Variants in CACNA1E observed in about 807,000 individuals in gnomAD.
CACNA1E encodes the protein calcium voltage-gated channel subunit alpha1 E.
Under a neutral mutation model 259.2 loss-of-function variants are expected in CACNA1E, and 40 were observed. The observed-to-expected ratio is 0.15, with a 90% CI of 0.12 to 0.20. The LOEUF (loss-of-function observed/expected upper bound fraction) is 0.20, where lower values mean the gene tolerates loss of function less well. Ranked by LOEUF, CACNA1E falls within the 10% of genes least tolerant of loss-of-function variation. The pLI is 1.00. For synonymous variants in CACNA1E, 1,104 were observed against 1,138.5 expected, an observed-to-expected ratio of 0.97 and a Z score of 0.61; for missense variants, 1,874 against 3,040.1, an observed-to-expected ratio of 0.62 and a Z score of 9.02.
chr1:181,682,183 G>T (rs1572584075), intron 7 of CACNA1E, among the ~76,000 whole-genome samples: 1 of 152,174 alleles, frequency 6.6e-6, no homozygotes, highest in Non-Finnish European at 1.5e-5. Context: ...CCTTTGGAGT[G>T]CCTCTTGCCT....
intron 3 of CACNA1E, among the ~76,000 whole-genome samples, chr1:181,571,712 T>C (rs1650431857): frequency 6.6e-6 from 1 of 152,224 alleles, no homozygotes. Flanking sequence ...TCACAGATGC[T>C]GATGAACAGC....
At chr1:181,401,913 G>A (rs543210065) in intron 1 of CACNA1E, among the ~76,000 whole-genome samples, 33 of 152,154 alleles carry the variant, frequency 2.2e-4, no homozygotes, top group Admixed American at 1.4e-3. Context: ...CTTAAATACC[G>A]CCTATTTATG....
intron 6 of CACNA1E, among the ~76,000 whole-genome samples, chr1:181,590,998 A>G (rs925151112): frequency 2.6e-5 from 4 of 152,258 alleles, no homozygotes; most frequent in Non-Finnish European, 2.9e-5. Context: ...GCATTATTAA[A>G]TGTTGGGGGA....
At chr1:181,750,414 C>T (rs747322538) in intron 25 of CACNA1E, 62 bp from the exon 26 acceptor site, 132 of 1,496,306 alleles carry the variant, frequency 8.8e-5, no homozygotes, top group Non-Finnish European at 1.2e-4. Context: ...TCTACCCCAA[C>T]CCCATTTTTT....
intron 2 of CACNA1E, among the ~76,000 whole-genome samples, chr1:181,431,601 C>T (rs1321878794): frequency 6.6e-6 from 1 of 152,162 alleles, no homozygotes; most frequent in Non-Finnish European, 1.5e-5. Flanking sequence ...GTATCATTTC[C>T]ACTTTTTCCC....
At chr1:181,725,895 G>A (rs1654863453) in intron 17 of CACNA1E, among the ~76,000 whole-genome samples, 170 bp from the exon 18 acceptor site, 1 of 152,228 alleles carries the variant, frequency 6.6e-6, no homozygotes, top group African/African-American at 2.4e-5. Context: ...CCTGGCCTCT[G>A]GCCATCAGAA....
rs1665597951 is a variant in CACNA1E at position 181,505,146 on chromosome 1, C to T, written c.267-5331C>T. ...TCTGATTTCTCTGGCCATCGCATTC[C>T]TCCTCACTCTCAGGTTGGGATGGGT... On this transcript the variant is annotated intron_variant, in intron 1 of 47. Transcript: ENST00000367573. Among the ~76,000 whole-genome samples the T allele has an allele frequency of 2.0e-5, 3 of 152,262 alleles. No homozygotes were observed. In the South Asian group the frequency reaches 6.2e-4, roughly 32 times the overall value.
upstream of CACNA1E, chr1:181,483,490 TTTTC>T (rs1447401226): frequency 1.2e-5 from 4 of 337,728 alleles, no homozygotes; most frequent in African/African-American, 9.0e-5. Flanking sequence ...CCCGCTTTTT[TTTTC>T]TTTTTTCTTT....
At position 181,762,600 on chromosome 1, in the gene CACNA1E, C is replaced by G; in HGVS notation, c.4632C>G (p.Ile1544Met). 6.2e-7 allele frequency: 1 copy of G among 1,608,974 alleles called. No homozygotes were observed. Among genetic ancestry groups the G allele is most frequent in the Non-Finnish European group, 8.5e-7 (1 of 1,176,646 alleles). ...FLNYFRDTWN[I>M]FDFITVIGSI... Reference sequence around the variant, plus strand: ...ACTATTTCCGAGACACCTGGAATATCTTTGACTTCATCACCGTGATTGGCA... The same window carrying G: ...ACTATTTCCGAGACACCTGGAATATGTTTGACTTCATCACCGTGATTGGCA... Residue 1544 changes from isoleucine (I) to methionine (M), a missense_variant, in exon 33 of 48, where the codon ATC (isoleucine) becomes ATG (methionine). Physicochemically the swap from Ile to Met is conservative, Grantham distance 10 (BLOSUM62 1). Transcript: ENST00000367573.
At chr1:181,444,489 C>T (rs542550758) in intron 2 of CACNA1E, among the ~76,000 whole-genome samples, 1 of 152,120 alleles carries the variant, frequency 6.6e-6, no homozygotes, top group East Asian at 1.9e-4. Flanking sequence ...TGGTGATTAT[C>T]TGGAGAAGTA....
At position 181,511,433 on chromosome 1, in the gene CACNA1E, C is replaced by T. The variant is rs1277736676; in HGVS notation, c.435C>T (p.Ala145=). The T allele has an allele frequency of 6.2e-7, 1 of 1,613,930 alleles. No homozygotes were observed. The highest frequency in any genetic ancestry group is 1.1e-5 in the South Asian group (1 of 91,086). ...FCFEAGIKIV[A]LGFIFHKGSY... is the part of the protein sequence containing the mutation. Reference sequence around the variant, plus strand: ...TTGAAGCTGGGATCAAAATTGTGGCCCTGGGGTTCATCTTCCATAAGGGCT... The same window carrying T: ...TTGAAGCTGGGATCAAAATTGTGGCTCTGGGGTTCATCTTCCATAAGGGCT... The change falls in exon 3 of 48, where the codon GCC becomes GCT. Residue 145 remains alanine (A), a synonymous_variant. Transcript: ENST00000367573.
intron 6 of CACNA1E, among the ~76,000 whole-genome samples, chr1:181,619,306 G>A (rs1028849812): frequency 4.6e-5 from 7 of 152,058 alleles, no homozygotes; most frequent in African/African-American, 1.7e-4. Context: ...TAAGCCATAT[G>A]GACATCTGGG....
Position 181,798,294 on chromosome 1 carries a change from C to T in CACNA1E, c.6402C>T (p.Gly2134=), listed in dbSNP as rs1282664243. ...EGRSQTPNRQ[G]TGSLSESSIP... ...GCCATGTCTCTCCTGCTATACAGGG[C>T]ACAGGTTCCCTAAGTGAGAGCTCCA... is the stretch of plus-strand genomic sequence containing the variant. Residue 2134 remains glycine (G), a splice_region_variant and synonymous_variant, in exon 48 of 48, where the codon GGC becomes GGT. Coordinates refer to ENST00000367573, the MANE Select transcript of CACNA1E (RefSeq NM_001205293.3). This position sits in a 1 kb window ranked among gnomAD's most constrained non-coding sequence, Gnocchi z 4.2. 6.3e-7 allele frequency: 1 copy of T among 1,589,728 alleles called. No individual in the cohort carries two copies. The highest frequency in any genetic ancestry group is 8.6e-7 in the Non-Finnish European group (1 of 1,169,544).
chr1:181,724,170 T>C (rs975528274), intron 16 of CACNA1E, among the ~76,000 whole-genome samples: 13 of 152,178 alleles, frequency 8.5e-5, no homozygotes, highest in Non-Finnish European at 1.9e-4. Context: ...CAAATAATAA[T>C]TTTTCACAGT....
chr1:181,788,369 T>A (rs1661020409), intron 43 of CACNA1E, among the ~76,000 whole-genome samples: 1 of 152,070 alleles, frequency 6.6e-6, no homozygotes, highest in African/African-American at 2.4e-5. Flanking sequence ...GATCTAGGGG[T>A]ATAGTGGTAG....
intron 1 of CACNA1E, among the ~76,000 whole-genome samples, chr1:181,318,345 C>G (rs1028826880): frequency 2.0e-5 from 3 of 152,174 alleles, no homozygotes; most frequent in African/African-American, 4.8e-5. Flanking sequence ...TCTGTCCGTT[C>G]CTTTGCAACT....
chr1:181,716,224 CA>C, intron 10 of CACNA1E, 95 bp downstream of exon 10: 3 of 683,386 alleles, frequency 4.4e-6, no homozygotes, highest in Non-Finnish European at 7.4e-6. Context: ...GGAAAGAATC[CA>C]AAGGGTCCAG....
rs79714445 is a variant in CACNA1E at position 181,668,241 on chromosome 1, A to G, written c.1055+16800A>G. Among the ~76,000 whole-genome samples the G allele has an allele frequency of 2.9e-3, 443 of 152,352 alleles. 4 individuals are homozygous for G. The highest frequency in any genetic ancestry group is 0.01 in the African/African-American group (423 of 41,574). On this transcript the variant is annotated intron_variant, in intron 7 of 47. Coordinates refer to ENST00000367573, the MANE Select transcript of CACNA1E (RefSeq NM_001205293.3). ...AATGTTAAATAAATGGAATCATAGG[A>G]TAGAAAACTTTTTGAAATTGACCTT...
chr1:181,689,230 T>G (rs1166410313), intron 7 of CACNA1E, among the ~76,000 whole-genome samples: 1 of 151,762 alleles, frequency 6.6e-6, no homozygotes, highest in African/African-American at 2.4e-5. Context: ...GAACATGCAG[T>G]GTTTGGTTTT....
Sources: allele counts gnomAD v4.1 joint callset (sites outside exome capture counted in the v4.1 genomes callset), GRCh38; gene constraint gnomAD v4.1.1; non-coding constraint Gnocchi (gnomAD v3.1); transcripts MANE v1.5; gene names NCBI Gene and HGNC (gene_info 2026-07-23, HGNC 2026-07-21).